ATRNL1: variants seen among roughly 807,000 people sequenced by gnomAD.
The protein encoded by ATRNL1 is attractin like 1.
A neutral mutation model predicts 182.7 loss-of-function variants in ATRNL1; 95 were observed. That is an observed-to-expected ratio of 0.52 (90% CI 0.44 to 0.62). The LOEUF (loss-of-function observed/expected upper bound fraction) is 0.62. Among genes scored for constraint, ATRNL1 ranks in the 20% least tolerant of loss-of-function variants. The pLI is 0.00. For missense variants in ATRNL1, 1,471 were observed against 1,679.5 expected (o/e 0.88, Z 2.17); for synonymous variants, 576 against 568.3 (o/e 1.01, Z -0.19).
chr10:115,302,104 T>C, intron 17 of ATRNL1, 61 bp downstream of exon 17: 1 of 1,362,598 alleles, frequency 7.3e-7, no homozygotes, highest in Non-Finnish European at 9.9e-7. Flanking sequence ...TTTTCTGTGA[T>C]GTAAAGAAGA....
chr10:115,462,613 AAAAT>A (rs1159786060), intron 22 of ATRNL1, among the ~76,000 whole-genome samples: 1 of 152,126 alleles, frequency 6.6e-6, no homozygotes, highest in Non-Finnish European at 1.5e-5. Flanking sequence ...TCCATCTCAA[AAAAT>A]AAATAAATAA....
chr10:115,714,478 C>T (rs782606912), intron 26 of ATRNL1, among the ~76,000 whole-genome samples: 5 of 152,176 alleles, frequency 3.3e-5, no homozygotes, highest in Admixed American at 6.5e-5. Flanking sequence ...ACCCAGTGTG[C>T]ATTCCTCCCA....
At chr10:115,192,729 CTCT>C (rs1439063375) in intron 8 of ATRNL1, among the ~76,000 whole-genome samples, 2 of 150,116 alleles carry the variant, frequency 1.3e-5, no homozygotes, top group Admixed American at 6.6e-5. Context: ...TTTGTGTATT[CTCT>C]TCAATTTCTT....
chr10:115,682,874 G>A (rs1946095459), intron 26 of ATRNL1, among the ~76,000 whole-genome samples: 1 of 152,100 alleles, frequency 6.6e-6, no homozygotes, highest in Non-Finnish European at 1.5e-5. Context: ...GCAGTATTAG[G>A]AAAGAGATTA....
intron 28 of ATRNL1, among the ~76,000 whole-genome samples, chr10:115,850,589 CTG>C (rs147603080): frequency 0.036 from 5,507 of 152,216 alleles, 290 homozygotes; most frequent in African/African-American, 0.11. Flanking sequence ...TTGGTTTATT[CTG>C]TGTCTTCACA....
chr10:115,503,127 T>C (rs1168992390), intron 24 of ATRNL1, among the ~76,000 whole-genome samples: 4 of 152,106 alleles, frequency 2.6e-5, no homozygotes, highest in African/African-American at 9.7e-5. Flanking sequence ...TAACTTAATA[T>C]TACAAGGACT....
chr10:115,102,190 T>C (rs1554864718), intron 1 of ATRNL1, among the ~76,000 whole-genome samples: 1 of 152,214 alleles, frequency 6.6e-6, no homozygotes, highest in African/African-American at 2.4e-5. Context: ...TGTTATTAGG[T>C]GCATAAAATT....
At chr10:115,792,404 C>T (rs1949550330) in intron 27 of ATRNL1, among the ~76,000 whole-genome samples, 1 of 152,092 alleles carries the variant, frequency 6.6e-6, no homozygotes, top group South Asian at 2.1e-4. Flanking sequence ...GTCACTGGCC[C>T]CTGAAATGAA....
chr10:115,201,552 G>A (rs1307081202), intron 8 of ATRNL1, among the ~76,000 whole-genome samples: 64 of 152,140 alleles, frequency 4.2e-4, no homozygotes, highest in East Asian at 2.9e-3. Flanking sequence ...GATATGCGGC[G>A]TTATTTCTGA....
At chr10:115,355,756 T>C (rs1194263452) in intron 19 of ATRNL1, among the ~76,000 whole-genome samples, 1 of 152,126 alleles carries the variant, frequency 6.6e-6, no homozygotes, top group Non-Finnish European at 1.5e-5. Flanking sequence ...TGAATACATT[T>C]TTTTCCTTTA....
chr10:115,741,958 C>T (rs926251785), intron 27 of ATRNL1, among the ~76,000 whole-genome samples: 8 of 152,110 alleles, frequency 5.3e-5, no homozygotes, highest in Non-Finnish European at 1.2e-4. Flanking sequence ...AAGAATAAGA[C>T]TGCATGCCAA....
chr10:115,343,995 C>T (rs1240768409), intron 19 of ATRNL1, among the ~76,000 whole-genome samples: 1 of 152,180 alleles, frequency 6.6e-6, no homozygotes, highest in African/African-American at 2.4e-5. Flanking sequence ...ATTCCTCTCT[C>T]TGTTCTGGGC....
intron 26 of ATRNL1, among the ~76,000 whole-genome samples, chr10:115,696,475 TCAAAA>T (rs1946562787): frequency 6.6e-6 from 1 of 152,050 alleles, no homozygotes; most frequent in Non-Finnish European, 1.5e-5. Flanking sequence ...GTCTCAAAAA[TCAAAA>T]CAAAACAAAA....
At chr10:115,399,809 T>C (rs1690836608) in intron 20 of ATRNL1, among the ~76,000 whole-genome samples, 1 of 152,046 alleles carries the variant, frequency 6.6e-6, no homozygotes, top group African/African-American at 2.4e-5. Flanking sequence ...GGACATTTAG[T>C]GCTATAAATT....
intron 26 of ATRNL1, among the ~76,000 whole-genome samples, chr10:115,711,975 G>C (rs1463130373): frequency 6.6e-6 from 1 of 152,086 alleles, no homozygotes; most frequent in Non-Finnish European, 1.5e-5. Context: ...CATAAGTAAA[G>C]TCTAAAATTA....
At chr10:115,369,009 C>T (rs1404367886) in intron 19 of ATRNL1, among the ~76,000 whole-genome samples, 2 of 152,010 alleles carry the variant, frequency 1.3e-5, no homozygotes, top group African/African-American at 2.4e-5. Flanking sequence ...CCACTGCGCC[C>T]AGCCGTAAAT....
chr10:115,190,032 G>A lies in ATRNL1; in HGVS notation c.1348+18740G>A, dbSNP rs1398471362. On this transcript the variant is annotated intron_variant, in intron 8 of 28. Transcript: ENST00000355044. Reference sequence around the variant, plus strand: ...TATTCAGTACAACAACATGCTGTACGGGTTTTTCGTTCAGGAGCAATAGGC... The same window carrying A: ...TATTCAGTACAACAACATGCTGTACAGGTTTTTCGTTCAGGAGCAATAGGC... Among the ~76,000 whole-genome samples the A allele has an allele frequency of 3.9e-5, 6 of 152,030 alleles. No homozygotes were observed. In the South Asian group the frequency reaches 1.0e-3, roughly 26 times the overall value.
At chr10:115,282,677 G>A (rs1474080408) in intron 14 of ATRNL1, among the ~76,000 whole-genome samples, 1 of 151,992 alleles carries the variant, frequency 6.6e-6, no homozygotes, top group Non-Finnish European at 1.5e-5. Context: ...CAGATAAACT[G>A]AGATCCATGC....
chr10:115,592,778 C>T (rs1236867348), intron 26 of ATRNL1, among the ~76,000 whole-genome samples: 2 of 152,118 alleles, frequency 1.3e-5, no homozygotes, highest in African/African-American at 4.8e-5. Flanking sequence ...CTTTTAACAG[C>T]AGAGCTTCCT....
Sources: allele counts gnomAD v4.1 joint callset (sites outside exome capture counted in the v4.1 genomes callset), GRCh38; gene constraint gnomAD v4.1.1; transcripts MANE v1.5; gene names NCBI Gene and HGNC (gene_info 2026-07-23, HGNC 2026-07-21).